Variants in AKT3 observed in about 807,000 individuals in gnomAD.
The protein encoded by AKT3 is AKT serine/threonine kinase 3.
AKT3 carries 15 observed loss-of-function variants against 65.3 expected under a neutral mutation model. The observed-to-expected ratio is 0.23, with a 90% CI of 0.15 to 0.35. The LOEUF (loss-of-function observed/expected upper bound fraction) is 0.35, where lower values mean the gene tolerates loss of function less well. Among genes scored for constraint, AKT3 ranks in the 10% least tolerant of loss-of-function variants. AKT3 has a pLI of 1.00. For missense variants in AKT3, 243 were observed against 576.5 expected (o/e 0.42, Z 5.92); for synonymous variants, 206 against 183.8 (o/e 1.12, Z -0.98).
At chr1:243,605,585 C>G (rs1254046626) in intron 8 of AKT3, among the ~76,000 whole-genome samples, 2 of 152,184 alleles carry the variant, frequency 1.3e-5, no homozygotes, top group Non-Finnish European at 2.9e-5. Flanking sequence ...TCAGCTATAT[C>G]TTATTGAGCC....
chr1:243,543,764 G>C (rs1407935336), intron 12 of AKT3, among the ~76,000 whole-genome samples: 1 of 152,204 alleles, frequency 6.6e-6, no homozygotes, highest in East Asian at 1.9e-4. Flanking sequence ...TTCTCATAAA[G>C]GTTGTGAAGG....
chr1:243,577,882 G>A (rs1461427501), intron 8 of AKT3, among the ~76,000 whole-genome samples: 10 of 152,006 alleles, frequency 6.6e-5, no homozygotes, highest in Admixed American at 2.6e-4. Flanking sequence ...AAGGACATGA[G>A]CAGACACTTC....
intron 13 of AKT3, chr1:243,489,172 C>A (rs548252681): frequency 8.7e-5 from 140 of 1,608,274 alleles, no homozygotes; most frequent in Non-Finnish European, 1.2e-4. Context: ...AGGTGGGAGT[C>A]CTTGGGCGGG....
intron 5 of AKT3, among the ~76,000 whole-genome samples, chr1:243,644,527 C>T (rs915174181): frequency 1.3e-5 from 2 of 149,884 alleles, no homozygotes; most frequent in Non-Finnish European, 3.0e-5. Context: ...AGTTGAAGTT[C>T]AAAATGAAAA....
intron 2 of AKT3, among the ~76,000 whole-genome samples, chr1:243,829,827 G>T (rs141583626): frequency 5.8e-4 from 88 of 152,240 alleles, no homozygotes; most frequent in African/African-American, 2.0e-3. Flanking sequence ...CATAATAAAA[G>T]TTCCCTTAAA....
At chr1:243,551,761 A>T (rs1673081225) in intron 11 of AKT3, among the ~76,000 whole-genome samples, 1 of 152,176 alleles carries the variant, frequency 6.6e-6, no homozygotes, top group South Asian at 2.1e-4. Context: ...CACACATATT[A>T]AGAAACATTT....
intron 2 of AKT3, among the ~76,000 whole-genome samples, chr1:243,803,645 TACACACACACACAC>T (rs72379577): frequency 0.026 from 3,496 of 136,708 alleles, 161 homozygotes; most frequent in African/African-American, 0.088. Context: ...GACGTACATG[TACACACACACACAC>T]ACACACACAC....
chr1:243,720,942 T>A (rs889901525), intron 2 of AKT3, among the ~76,000 whole-genome samples: 7 of 152,240 alleles, frequency 4.6e-5, no homozygotes, highest in Middle Eastern at 3.4e-3. Context: ...CTCCAAAATA[T>A]GGCACTTCAG....
chr1:243,626,382 G>A (rs948917836), intron 6 of AKT3, among the ~76,000 whole-genome samples: 1 of 152,174 alleles, frequency 6.6e-6, no homozygotes, highest in African/African-American at 2.4e-5. Context: ...CAGAAGTTAG[G>A]TTTACCAATG....
At chr1:243,719,922 A>T (rs571242220) in intron 2 of AKT3, among the ~76,000 whole-genome samples, 1 of 152,220 alleles carries the variant, frequency 6.6e-6, no homozygotes, top group African/African-American at 2.4e-5. Flanking sequence ...GATTTGGCCA[A>T]TCTCTGCTAC....
chr1:243,703,172 G>T (rs1347743680), intron 2 of AKT3: 1 of 151,888 alleles, frequency 6.6e-6, no homozygotes, highest in Non-Finnish European at 1.5e-5. Context: ...CTACCTAAAA[G>T]AATATGGCAA....
At chr1:243,521,693 C>A (rs1444798934) in intron 12 of AKT3, among the ~76,000 whole-genome samples, 1 of 152,098 alleles carries the variant, frequency 6.6e-6, no homozygotes, top group African/African-American at 2.4e-5. Context: ...AATTAATATA[C>A]CACTATTGTA....
chr1:243,631,547 C>T (rs1038095184), intron 6 of AKT3, among the ~76,000 whole-genome samples: 1 of 152,200 alleles, frequency 6.6e-6, no homozygotes, highest in Non-Finnish European at 1.5e-5. Flanking sequence ...CTTTGGCCTC[C>T]CAAAGTGCTG....
In AKT3 at chr1:243,608,274, A is replaced by C. The variant is rs76593068; in HGVS notation, c.696+5397T>G. Among the ~76,000 whole-genome samples, 799 of 152,308 alleles carry C rather than the reference A, an allele frequency of 5.2e-3. 10 individuals carry two copies. Among genetic ancestry groups the C allele is most frequent in the African/African-American group, 0.018 (758 of 41,554 alleles). On this transcript the variant is annotated intron_variant, in intron 8 of 13. Coordinates refer to ENST00000673466, the MANE Select transcript of AKT3 (RefSeq NM_005465.7). ...AACATTGCTACATGGCATGTGACTT[A>C]TATTGACAAACACATAAAAATCACA...
At chr1:243,780,329 GATT>G (rs1690826283) in intron 2 of AKT3, among the ~76,000 whole-genome samples, 1 of 152,060 alleles carries the variant, frequency 6.6e-6, no homozygotes, top group South Asian at 2.1e-4. Context: ...TATGATTCAA[GATT>G]ATTTTTTGTA....
chr1:243,748,812 C>T (rs1190566399), intron 2 of AKT3, among the ~76,000 whole-genome samples: 1 of 152,102 alleles, frequency 6.6e-6, no homozygotes, highest in Non-Finnish European at 1.5e-5. Flanking sequence ...CCTGTTTATA[C>T]AGGTCTGACT....
chr1:243,694,703 G>A (rs1383302910), intron 3 of AKT3, among the ~76,000 whole-genome samples: 1 of 151,708 alleles, frequency 6.6e-6, no homozygotes, highest in East Asian at 1.9e-4. Flanking sequence ...TTTTATAATG[G>A]TAAAATGAAA....
At chr1:243,509,592 A>G (rs913928751) in intron 13 of AKT3, among the ~76,000 whole-genome samples, 12 of 152,152 alleles carry the variant, frequency 7.9e-5, no homozygotes, top group Non-Finnish European at 1.6e-4. Context: ...ATTTCTGAGC[A>G]TCGCATTAGT....
At chr1:243,515,790 A>G (rs1345029501) in intron 12 of AKT3, among the ~76,000 whole-genome samples, 1 of 152,156 alleles carries the variant, frequency 6.6e-6, no homozygotes, top group African/African-American at 2.4e-5. Flanking sequence ...GGAGATCAAG[A>G]CCATCCTGGC....
Sources: gnomAD v4.1 joint callset for allele counts (sites outside exome capture counted in the v4.1 genomes callset) on GRCh38, gnomAD v4.1.1 for gene constraint, MANE v1.5 for transcripts, NCBI Gene and HGNC (gene_info 2026-07-23, HGNC 2026-07-21) for gene names.